MXD1: variants seen among roughly 807,000 people sequenced by gnomAD.
The protein encoded by MXD1 is MAX-binding protein.
MXD1 carries 9 observed loss-of-function variants against 25.7 expected under a neutral mutation model. The observed-to-expected ratio is 0.35, with a 90% CI of 0.21 to 0.61. MXD1 has a LOEUF of 0.61. MXD1 is among the 20% of genes least tolerant of loss of function. The pLI is 0.75. For synonymous variants in MXD1, 99 were observed against 113.9 expected (o/e 0.87, Z 0.83); for missense variants, 227 against 292.4 (o/e 0.78, Z 1.63).
chr2:69,937,207 G>A (rs752881150), intron 4 of MXD1, 28 bp from the exon 5 acceptor site: 3 of 1,610,894 alleles, frequency 1.9e-6, no homozygotes, highest in Admixed American at 1.7e-5. Flanking sequence ...TCCCTGTGGG[G>A]CCCAACAACT....
intron 3 of MXD1, among the ~76,000 whole-genome samples, chr2:69,929,817 CTATTCT>C (rs1413626170): frequency 1.9e-4 from 29 of 152,310 alleles, no homozygotes; most frequent in African/African-American, 7.0e-4. Context: ...AAATTCCTAT[CTATTCT>C]TAGGTCTGTT....
At chr2:69,922,006 A>ATGAC (rs1285356435) in intron 3 of MXD1, among the ~76,000 whole-genome samples, 2 of 152,194 alleles carry the variant, frequency 1.3e-5, no homozygotes, top group Non-Finnish European at 2.9e-5. Flanking sequence ...AGGCCTTTGA[A>ATGAC]TGACTATTCC....
chr2:69,931,237 T>G (rs1291626919), intron 3 of MXD1, among the ~76,000 whole-genome samples: 2 of 152,192 alleles, frequency 1.3e-5, no homozygotes, highest in Non-Finnish European at 2.9e-5. Flanking sequence ...TGACTATAGT[T>G]ACCCTGTTGT....
In MXD1 at chr2:69,938,356, G is replaced by GC; in HGVS notation, c.*75dup. Reference sequence around the variant, plus strand: ...TCTGATTAGGTAACGTATTGGACCTGCCCACAACTCCCTTGCACGTAAACT... The same window carrying GC: ...TCTGATTAGGTAACGTATTGGACCTGCCCCACAACTCCCTTGCACGTAAACT... On this transcript the variant is annotated 3_prime_UTR_variant, in exon 6 of 6. Coordinates refer to ENST00000264444, the MANE Select transcript of MXD1 (RefSeq NM_002357.4). 1 of 1,482,990 alleles carries GC rather than the reference G, an allele frequency of 6.7e-7. No homozygotes were observed. Among genetic ancestry groups the GC allele is most frequent in the Non-Finnish European group, 9.2e-7 (1 of 1,081,196 alleles). 91.9% of individuals were successfully genotyped at this position (1,482,990 alleles called of 1,614,324 possible).
intron 2 of MXD1, among the ~76,000 whole-genome samples, chr2:69,918,573 C>T (rs1293749587): frequency 6.6e-6 from 1 of 152,154 alleles, no homozygotes. Flanking sequence ...GTAAAGCAAG[C>T]TTTGGCACTC....
chr2:69,927,449 C>T (rs1573404790), intron 3 of MXD1, among the ~76,000 whole-genome samples: 4 of 152,284 alleles, frequency 2.6e-5, no homozygotes, highest in Admixed American at 2.6e-4. Flanking sequence ...GAGAAGAACT[C>T]ACATTTGTAC....
At chr2:69,935,873 G>C (rs1442576341) in intron 4 of MXD1, among the ~76,000 whole-genome samples, 1 of 152,098 alleles carries the variant, frequency 6.6e-6, no homozygotes, top group East Asian at 1.9e-4. Context: ...TGCTTCCTGA[G>C]AACAGTCCTT....
intron 2 of MXD1, among the ~76,000 whole-genome samples, chr2:69,920,961 C>T (rs35344582): frequency 0.21 from 31,885 of 152,138 alleles, 3,671 homozygotes; most frequent in East Asian, 0.35. Context: ...CCAAGGCTCT[C>T]TAATCAGTTT....
At chr2:69,925,889 C>T (rs1248583530) in intron 3 of MXD1, among the ~76,000 whole-genome samples, 1 of 152,118 alleles carries the variant, frequency 6.6e-6, no homozygotes, top group African/African-American at 2.4e-5. Context: ...TTTCCCTGCA[C>T]TTCACAAGTT....
chr2:69,928,913 A>C (rs888908971), intron 3 of MXD1, among the ~76,000 whole-genome samples: 2 of 152,018 alleles, frequency 1.3e-5, no homozygotes, highest in African/African-American at 2.4e-5. Flanking sequence ...TCTTTTTTTG[A>C]GATGGAGTCT....
rs71413202 is a variant in MXD1 at position 69,933,211 on chromosome 2, A to C, written c.204-2140A>C. 5.5e-5 allele frequency among the ~76,000 whole-genome samples: 8 copies of C among 146,474 alleles called. No individual in the cohort carries two copies. The South Asian group carries it at 8.9e-4, about 16-fold the overall frequency. ...CAAGAACTCTGTCTCAAAAAAAAAA[A>C]AAAAAAAAAAAAACAAAAAAAGAAA... On this transcript the variant is annotated intron_variant, in intron 3 of 5. Coordinates refer to ENST00000264444, the MANE Select transcript of MXD1 (RefSeq NM_002357.4).
rs983792124 is a variant in MXD1 at position 69,917,793 on chromosome 2, T to C, written c.173+1573T>C. Among the ~76,000 whole-genome samples, 5 of 151,448 alleles carry C rather than the reference T, an allele frequency of 3.3e-5. No homozygotes were observed. The East Asian group carries it at 9.7e-4, about 29-fold the overall frequency. On this transcript the variant is annotated intron_variant, in intron 2 of 5. Coordinates refer to ENST00000264444, the MANE Select transcript of MXD1 (RefSeq NM_002357.4). The stretch of plus-strand genomic sequence containing the variant: ...ATCTTAAGCCAAGAAATGGATTCTT[T>C]CTAGTATCTTCTCTTTAATAATCAG...
At chr2:69,932,900 T>C (rs1350341177) in intron 3 of MXD1, among the ~76,000 whole-genome samples, 1 of 152,082 alleles carries the variant, frequency 6.6e-6, no homozygotes, top group Non-Finnish European at 1.5e-5. Context: ...TAATTTTAAT[T>C]TTTGAACTTT....
chr2:69,925,194 T>C (rs1558569236), intron 3 of MXD1, among the ~76,000 whole-genome samples: 1 of 152,084 alleles, frequency 6.6e-6, no homozygotes, highest in Non-Finnish European at 1.5e-5. Context: ...CTCTGCATTT[T>C]AGCTAATTTT....
At chr2:69,919,810 C>T (rs1677028818) in intron 2 of MXD1, among the ~76,000 whole-genome samples, 1 of 152,086 alleles carries the variant, frequency 6.6e-6, no homozygotes, top group South Asian at 2.1e-4. Context: ...CTGGAGAATG[C>T]TGAGGGATAA....
intron 2 of MXD1, 67 bp from the exon 3 acceptor site, chr2:69,921,669 T>C: frequency 7.1e-7 from 1 of 1,405,944 alleles, no homozygotes; most frequent in Non-Finnish European, 9.8e-7. Context: ...AAAAGAATTG[T>C]GTTGGTGTTG....
At chr2:69,923,581 CGT>C (rs10652254) in intron 3 of MXD1, among the ~76,000 whole-genome samples, 202 of 150,300 alleles carry the variant, frequency 1.3e-3, no homozygotes, top group Non-Finnish European at 2.0e-3. Flanking sequence ...TATGGAATTT[CGT>C]GTGTGTGTGT....
At chr2:69,929,777 G>A (rs1178610593) in intron 3 of MXD1, among the ~76,000 whole-genome samples, 1 of 152,024 alleles carries the variant, frequency 6.6e-6, no homozygotes, top group Non-Finnish European at 1.5e-5. Flanking sequence ...CTTTCCCTAA[G>A]GATTTATGGT....
In MXD1 at chr2:69,939,645, G is replaced by A. The variant is rs1170162370; in HGVS notation, c.*1361G>A. The A allele has an allele frequency of 6.6e-6, 1 of 152,548 alleles. No homozygotes were observed. Among genetic ancestry groups the A allele is most frequent in the Non-Finnish European group, 1.5e-5 (1 of 68,008 alleles). The allele number at this position is 152,548 out of a possible 1,614,324, so 9.4% of individuals were successfully genotyped here. ...TTAGTTCATTCCCCTGAATATTTTT[G>A]CATTCATATTTTTGAGGTCTTGATG... On this transcript the variant is annotated 3_prime_UTR_variant, in exon 6 of 6. Transcript: ENST00000264444.
Sources: allele counts gnomAD v4.1 joint callset (sites outside exome capture counted in the v4.1 genomes callset), GRCh38; gene constraint gnomAD v4.1.1; transcripts MANE v1.5; gene names NCBI Gene and HGNC (gene_info 2026-07-23, HGNC 2026-07-21).